GDPD1: variants seen among roughly 807,000 people sequenced by gnomAD.
GDPD1 encodes the protein glycerophosphodiester phosphodiesterase domain containing 1, also known as lysophospholipase D GDPD1.
Under a neutral mutation model 45.1 loss-of-function variants are expected in GDPD1, and 28 were observed. The observed-to-expected ratio is 0.62, with a 90% CI of 0.46 to 0.85. GDPD1 has a LOEUF of 0.85. Among genes scored for constraint, GDPD1 ranks in the 40% least tolerant of loss-of-function variants. The probability of loss-of-function intolerance (pLI) is 0.00; values close to 1 mark genes in which losing one functional copy is unlikely to be tolerated. For synonymous variants in GDPD1, 139 were observed against 131.4 expected, an observed-to-expected ratio of 1.06 and a Z score of -0.40; for missense variants, 256 against 364.8, an observed-to-expected ratio of 0.70 and a Z score of 2.43.
chr17:59,261,515 A>T (rs1275201649), intron 6 of GDPD1, among the ~76,000 whole-genome samples: 4 of 151,842 alleles, frequency 2.6e-5, no homozygotes, highest in African/African-American at 9.7e-5. Context: ...ATTATTATTT[A>T]AAACAAGGAC....
At chr17:59,268,782 G>A (rs576714792) in intron 7 of GDPD1, among the ~76,000 whole-genome samples, 31 of 152,144 alleles carry the variant, frequency 2.0e-4, no homozygotes, top group Admixed American at 7.2e-4. Context: ...AGTGGCTCAC[G>A]CCTGTAATCC....
intron 6 of GDPD1, among the ~76,000 whole-genome samples, chr17:59,262,587 G>A (rs918814433): frequency 6.6e-6 from 1 of 151,758 alleles, no homozygotes; most frequent in Non-Finnish European, 1.5e-5. Context: ...CACTACAAGA[G>A]ATTTCTTGTG....
rs2046996806 is a variant in GDPD1, at chr17:59,220,710, A to G, written c.101A>G (p.Lys34Arg). 1.2e-6 allele frequency: 2 copies of G among 1,614,142 alleles called. No individual in the cohort carries two copies. The highest frequency in any genetic ancestry group is 1.7e-6 in the Non-Finnish European group (2 of 1,180,026). The change falls in exon 1 of 10, where the codon AAG (lysine) becomes AGG (arginine). Residue 34 changes from lysine (K) to arginine (R), a missense_variant. Lys to Arg is a conservative substitution (Grantham distance 26). Transcript: ENST00000284116. The part of the protein sequence containing the change: ...LKYPTLLHQR[K>R]KQRFLSKHIS... ...TACCCGACCTTGCTGCACCAGAGAA[A>G]GAAGCAGCGATTCCTCAGTAAACAC...
At chr17:59,235,016 A>G (rs1229198318) in intron 2 of GDPD1, among the ~76,000 whole-genome samples, 2 of 151,884 alleles carry the variant, frequency 1.3e-5, no homozygotes, top group East Asian at 1.9e-4. Context: ...AAATTCCTAT[A>G]TATAATTTCA....
chr17:59,270,817 TA>T, intron 7 of GDPD1, 118 bp from the exon 8 acceptor site: 1 of 605,230 alleles, frequency 1.7e-6, no homozygotes. Flanking sequence ...TTTTTACAAA[TA>T]TTTTTTGAGA....
At chr17:59,241,583 G>T (rs1452323926) in intron 2 of GDPD1, among the ~76,000 whole-genome samples, 1 of 151,912 alleles carries the variant, frequency 6.6e-6, no homozygotes, top group Admixed American at 6.5e-5. Context: ...CTCCCAAAGT[G>T]CTGGGATTAC....
rs1368648521 is a variant in GDPD1, at chr17:59,267,086, A to G, written c.622A>G (p.Ile208Val). Residue 208 changes from isoleucine (I) to valine (V), a missense_variant, in exon 7 of 10, where the codon ATT becomes GTT. Transcript: ENST00000284116. ...ILFSLQRVLL[I>V]LGLFFTGLLP... ...CTTCAGTCTACAACGTGTCCTGCTCATTCTTGGCCTTTTCTTCACTGGCCT... is the reference window on the plus strand; with the variant it reads ...CTTCAGTCTACAACGTGTCCTGCTCGTTCTTGGCCTTTTCTTCACTGGCCT... 4 of 1,613,334 alleles carry G rather than the reference A, an allele frequency of 2.5e-6. No homozygotes were observed. Among genetic ancestry groups the G allele is most frequent in the Non-Finnish European group, 3.4e-6 (4 of 1,179,412 alleles).
intron 3 of GDPD1, among the ~76,000 whole-genome samples, chr17:59,246,011 T>C (rs2047208181): frequency 6.6e-6 from 1 of 151,844 alleles, no homozygotes; most frequent in Non-Finnish European, 1.5e-5. Flanking sequence ...TCCCAGCTAC[T>C]TGGGAGGCTG....
At chr17:59,240,443 A>G (rs921823457) in intron 2 of GDPD1, among the ~76,000 whole-genome samples, 1 of 152,146 alleles carries the variant, frequency 6.6e-6, no homozygotes, top group African/African-American at 2.4e-5. Flanking sequence ...TTAAAAGTTT[A>G]TAAAGAAGTT....
intron 4 of GDPD1, among the ~76,000 whole-genome samples, chr17:59,250,425 AG>A (rs1242664320): frequency 6.6e-6 from 1 of 152,088 alleles, no homozygotes; most frequent in African/African-American, 2.4e-5. Context: ...GGTTGAAACC[AG>A]CCTGGGCAAC....
intron 4 of GDPD1, among the ~76,000 whole-genome samples, chr17:59,249,983 G>A (rs1193254952): frequency 6.6e-6 from 1 of 151,918 alleles, no homozygotes; most frequent in African/African-American, 2.4e-5. Context: ...CCAAGAGTTG[G>A]AGTCTAGCTT....
intron 7 of GDPD1, among the ~76,000 whole-genome samples, chr17:59,268,306 G>T (rs2047413740): frequency 6.6e-6 from 1 of 152,046 alleles, no homozygotes; most frequent in South Asian, 2.1e-4. Flanking sequence ...GCCGGGCGCG[G>T]TGGCTCACGC....
intron 6 of GDPD1, among the ~76,000 whole-genome samples, chr17:59,264,878 T>A (rs1597990370): frequency 6.6e-6 from 1 of 152,220 alleles, no homozygotes; most frequent in East Asian, 1.9e-4. Flanking sequence ...TCTCACTCTG[T>A]CACCTAGGCT....
chr17:59,251,633 C>T lies in GDPD1; in HGVS notation c.367+2848C>T, dbSNP rs558003133. Among the ~76,000 whole-genome samples, 439 of 152,196 alleles carry T rather than the reference C, an allele frequency of 2.9e-3. 3 individuals are homozygous for T. Among genetic ancestry groups the T allele is most frequent in the African/African-American group, 0.01 (424 of 41,528 alleles). The stretch of plus-strand genomic sequence containing the variant: ...CTTTCATTTTATATTGCATTCATCT[C>T]ATGTCATAATTGACTTTAGGACTGA... On this transcript the variant is annotated intron_variant, in intron 4 of 9. Coordinates refer to ENST00000284116, the MANE Select transcript of GDPD1 (RefSeq NM_182569.4).
At chr17:59,250,399 T>C (rs1280842448) in intron 4 of GDPD1, among the ~76,000 whole-genome samples, 1 of 151,676 alleles carries the variant, frequency 6.6e-6, no homozygotes, top group Non-Finnish European at 1.5e-5. Context: ...GGCGGGAGGG[T>C]TGCTTGAGAC....
chr17:59,257,742 C>T lies in GDPD1; in HGVS notation c.487-9C>T. On this transcript the variant is annotated splice_polypyrimidine_tract_variant and intron_variant, in intron 5 of 9. Coordinates refer to ENST00000284116, the MANE Select transcript of GDPD1 (RefSeq NM_182569.4). ...GCACATGCATAAAATTTTGAATTTT[C>T]ACACGTAGGTTTCAGAGTTGGTGAA... 1.3e-6 allele frequency: 2 copies of T among 1,587,150 alleles called. No individual in the cohort carries two copies. The highest frequency in any genetic ancestry group is 1.2e-5 in the South Asian group (1 of 85,996).
chr17:59,222,769 C>T (rs972926508), intron 1 of GDPD1, among the ~76,000 whole-genome samples: 1 of 152,058 alleles, frequency 6.6e-6, no homozygotes, highest in Non-Finnish European at 1.5e-5. Flanking sequence ...CCCGCCTTAG[C>T]CTCCCAAAGT....
chr17:59,263,371 A>C (rs1018429249), intron 6 of GDPD1, among the ~76,000 whole-genome samples: 2 of 151,732 alleles, frequency 1.3e-5, no homozygotes, highest in East Asian at 3.9e-4. Flanking sequence ...TTTTCCCTTG[A>C]TTTCCATACT....
chr17:59,237,040 G>A (rs1477042311), intron 2 of GDPD1, among the ~76,000 whole-genome samples: 5 of 151,958 alleles, frequency 3.3e-5, no homozygotes, highest in African/African-American at 1.2e-4. Flanking sequence ...AAACTTAGAA[G>A]GTTTTTTTTT....
Sources: gnomAD v4.1 joint callset for allele counts (sites outside exome capture counted in the v4.1 genomes callset) on GRCh38, gnomAD v4.1.1 for gene constraint, MANE v1.5 for transcripts, NCBI Gene and HGNC (gene_info 2026-07-23, HGNC 2026-07-21) for gene names.